RBMS3: variants seen among roughly 807,000 people sequenced by gnomAD.
RBMS3 encodes RNA binding motif single stranded interacting protein 3.
RBMS3 carries 27 observed loss-of-function variants against 66.8 expected under a neutral mutation model. That is an observed-to-expected ratio of 0.40 (90% CI 0.30 to 0.56). The LOEUF (loss-of-function observed/expected upper bound fraction) is 0.56. RBMS3 is among the 20% of genes least tolerant of loss of function. RBMS3 has a pLI of 0.40. For synonymous variants in RBMS3, 188 were observed against 183.0 expected, an observed-to-expected ratio of 1.03 and a Z score of -0.22; for missense variants, 513 against 549.5, an observed-to-expected ratio of 0.93 and a Z score of 0.66.
intron 10 of RBMS3, among the ~76,000 whole-genome samples, chr3:29,928,141 C>CA (rs1190843325): frequency 7.5e-6 from 1 of 134,174 alleles, no homozygotes; most frequent in African/African-American, 2.8e-5. Flanking sequence ...CCACTTAGAA[C>CA]AAAAAATAAG....
chr3:29,781,227 G>A (rs1436270674), intron 6 of RBMS3, among the ~76,000 whole-genome samples: 1 of 135,608 alleles, frequency 7.4e-6, no homozygotes, highest in Non-Finnish European at 1.6e-5. Context: ...TTAATCATTG[G>A]AAACCATTTC....
At chr3:29,384,417 C>CAATAAT (rs532698967) in intron 1 of RBMS3, among the ~76,000 whole-genome samples, 1,474 of 137,428 alleles carry the variant, frequency 0.011, 18 homozygotes, top group African/African-American at 0.026. Flanking sequence ...ACATATACAC[C>CAATAAT]AATAATAATA....
intron 1 of RBMS3, among the ~76,000 whole-genome samples, chr3:29,358,172 G>T (rs1049805491): frequency 6.6e-6 from 1 of 152,136 alleles, no homozygotes; most frequent in African/African-American, 2.4e-5. Context: ...AGATTTTATG[G>T]TTTTAGGTCT....
intron 2 of RBMS3, among the ~76,000 whole-genome samples, chr3:29,446,718 A>G (rs2041844417): frequency 6.6e-6 from 1 of 152,158 alleles, no homozygotes; most frequent in Non-Finnish European, 1.5e-5. Flanking sequence ...CAATATAATA[A>G]AGCAGTTTAA....
At chr3:29,852,022 C>T (rs1022382982) in intron 6 of RBMS3, among the ~76,000 whole-genome samples, 1 of 152,094 alleles carries the variant, frequency 6.6e-6, no homozygotes, top group African/African-American at 2.4e-5. Flanking sequence ...GAAATAAGGC[C>T]ACACACTTAC....
At chr3:29,761,482 C>A (rs887086184) in intron 5 of RBMS3, among the ~76,000 whole-genome samples, 1 of 152,164 alleles carries the variant, frequency 6.6e-6, no homozygotes, top group South Asian at 2.1e-4. Context: ...GGACGCACGC[C>A]CTCCAAGCTG....
At chr3:29,959,489 G>T (rs913298067) in intron 12 of RBMS3, among the ~76,000 whole-genome samples, 5 of 152,122 alleles carry the variant, frequency 3.3e-5, no homozygotes, top group African/African-American at 9.7e-5. Context: ...TGACTCTGGT[G>T]CATGATTCTG....
rs146252451 is a variant in RBMS3, at chr3:29,782,182, C to T, written c.637+19193C>T. Among the ~76,000 whole-genome samples the T allele has an allele frequency of 6.6e-3, 1,009 of 152,172 alleles. 11 individuals carry two copies. The highest frequency in any genetic ancestry group is 0.048 in the Middle Eastern group (14 of 294). ...TGTATCCTTATAGGACCATAGCTGA[C>T]GCGCTCTTGAAAGCTCCACCTCCTA... On this transcript the variant is annotated intron_variant, in intron 6 of 14. Coordinates refer to ENST00000383767, the MANE Select transcript of RBMS3 (RefSeq NM_001003793.3).
rs114814981 is a variant in RBMS3 at position 29,871,741 on chromosome 3, C to T, written c.744+2777C>T. On this transcript the variant is annotated intron_variant, in intron 7 of 14. Transcript: ENST00000383767. ...ATGGTCATGTGAAAGGGATTTCTGA[C>T]GAAATTCTTAGGATACAAAACCAAT... 9.9e-3 allele frequency among the ~76,000 whole-genome samples: 1,501 copies of T among 152,132 alleles called. 23 individuals are homozygous for T. Among genetic ancestry groups the T allele is most frequent in the African/African-American group, 0.035 (1,442 of 41,522 alleles).
At chr3:29,980,064 G>T (rs1240746539) in intron 12 of RBMS3, among the ~76,000 whole-genome samples, 2 of 152,188 alleles carry the variant, frequency 1.3e-5, no homozygotes, top group African/African-American at 4.8e-5. Flanking sequence ...AGTGTAAAGT[G>T]TTCCTATTTC....
At chr3:29,784,356 A>AT (rs2056745644) in intron 6 of RBMS3, among the ~76,000 whole-genome samples, 3 of 152,202 alleles carry the variant, frequency 2.0e-5, no homozygotes, top group African/African-American at 7.2e-5. Context: ...ACAGTGGAAT[A>AT]AAGTTGGAAA....
intron 3 of RBMS3, among the ~76,000 whole-genome samples, chr3:29,569,876 T>C (rs527261733): frequency 6.6e-6 from 1 of 152,254 alleles, no homozygotes; most frequent in East Asian, 1.9e-4. Context: ...AGGCAAACTG[T>C]ATAGCTCAGA....
At chr3:29,639,293 G>A (rs575771945) in intron 4 of RBMS3, among the ~76,000 whole-genome samples, 7 of 151,922 alleles carry the variant, frequency 4.6e-5, no homozygotes, top group African/African-American at 1.7e-4. Context: ...ATACAGGAAG[G>A]ATAATTTGGA....
At chr3:29,431,570 C>T (rs188433657) in intron 1 of RBMS3, among the ~76,000 whole-genome samples, 5 of 151,962 alleles carry the variant, frequency 3.3e-5, no homozygotes, top group African/African-American at 4.8e-5. Context: ...GGACTACAGG[C>T]GTGAGCCACC....
chr3:29,488,427 TC>T lies in RBMS3; in HGVS notation c.249-13del, dbSNP rs764077907. ...TTACAATAACATGGGTTTTTTTCTC[TC>T]TCTCTCTTTCAGGTATGGAAAAATT... On this transcript the variant is annotated splice_polypyrimidine_tract_variant and intron_variant, in intron 2 of 14. Transcript: ENST00000383767. The T allele has an allele frequency of 1.9e-6, 3 of 1,593,446 alleles. No homozygotes were observed. The highest frequency in any genetic ancestry group is 2.6e-6 in the Non-Finnish European group (3 of 1,162,242).
At chr3:29,951,882 C>A (rs553298064) in intron 12 of RBMS3, among the ~76,000 whole-genome samples, 1 of 151,426 alleles carries the variant, frequency 6.6e-6, no homozygotes, top group African/African-American at 2.4e-5. Context: ...CAAAAGTGAA[C>A]AATCATTATG....
chr3:29,674,326 C>G (rs1048314341), intron 4 of RBMS3, among the ~76,000 whole-genome samples: 2 of 152,104 alleles, frequency 1.3e-5, no homozygotes, highest in African/African-American at 4.8e-5. Context: ...TGGAAGCATT[C>G]CCTTTGAAAA....
intron 4 of RBMS3, 134 bp downstream of exon 4, chr3:29,587,339 T>C (rs1183988600): frequency 2.0e-5 from 11 of 549,674 alleles, no homozygotes; most frequent in Admixed American, 4.2e-5. Context: ...TCTCCTTTGC[T>C]CTGAGCTCAC....
At chr3:29,647,761 A>G (rs923052983) in intron 4 of RBMS3, among the ~76,000 whole-genome samples, 2 of 152,324 alleles carry the variant, frequency 1.3e-5, no homozygotes, top group East Asian at 1.9e-4. Flanking sequence ...GATTCCTGCC[A>G]TGATGTTGTT....
Sources: gnomAD v4.1 joint callset for allele counts (sites outside exome capture counted in the v4.1 genomes callset) on GRCh38, gnomAD v4.1.1 for gene constraint, MANE v1.5 for transcripts, NCBI Gene and HGNC (gene_info 2026-07-23, HGNC 2026-07-21) for gene names.